Variants in QTMAN observed in about 807,000 individuals in gnomAD.
QTMAN encodes tRNA-queuosine alpha-mannosyltransferase.
At chr2:144,286,770 G>GA in the QTMAN span, among the ~76,000 whole-genome samples, 1 of 152,064 alleles carries the variant, frequency 6.6e-6, no homozygotes, top group Admixed American at 6.5e-5. Flanking sequence ...AGATTTGAGT[G>GA]AAGAAAGAAA....
chr2:143,939,414 A>G, the QTMAN span: 1 of 152,188 alleles, frequency 6.6e-6, no homozygotes, highest in Non-Finnish European at 1.5e-5. Context: ...ACTAGCTCCC[A>G]AGTCATTCAA....
At chr2:144,233,413 C>T in the QTMAN span, among the ~76,000 whole-genome samples, 1 of 152,108 alleles carries the variant, frequency 6.6e-6, no homozygotes, top group Non-Finnish European at 1.5e-5. Context: ...AAAAATATTT[C>T]TTTTCACAAT....
the QTMAN span, among the ~76,000 whole-genome samples, chr2:144,134,859 C>A: frequency 7.2e-5 from 11 of 152,022 alleles, no homozygotes; most frequent in African/African-American, 2.7e-4. Context: ...AAGATCTCCA[C>A]AGGAAACATA....
the QTMAN span, among the ~76,000 whole-genome samples, chr2:144,249,752 G>A: frequency 6.6e-6 from 1 of 152,124 alleles, no homozygotes; most frequent in Non-Finnish European, 1.5e-5. Flanking sequence ...ATTACAGAGA[G>A]TGGACAACGC....
the QTMAN span, among the ~76,000 whole-genome samples, chr2:143,960,396 G>A: frequency 5.9e-5 from 9 of 152,042 alleles, no homozygotes; most frequent in Non-Finnish European, 1.3e-4. Context: ...GCCATCTTCA[G>A]GGAACACTGA....
At chr2:144,168,171 T>C in the QTMAN span, among the ~76,000 whole-genome samples, 1 of 152,184 alleles carries the variant, frequency 6.6e-6, no homozygotes, top group Admixed American at 6.5e-5. Flanking sequence ...TTACGGCCTG[T>C]TTAATGGGTA....
chr2:143,990,135 C>T, the QTMAN span, among the ~76,000 whole-genome samples: 1 of 151,222 alleles, frequency 6.6e-6, no homozygotes, highest in African/African-American at 2.4e-5. Flanking sequence ...TACGGTAATT[C>T]CTTAAAAAAA....
chr2:144,101,214 G>A, the QTMAN span, among the ~76,000 whole-genome samples: 2 of 152,104 alleles, frequency 1.3e-5, no homozygotes, highest in Non-Finnish European at 2.9e-5. Flanking sequence ...ATTTGCAACA[G>A]GGGAGTTCAA....
chr2:144,050,816 T>C, the QTMAN span, among the ~76,000 whole-genome samples: 1 of 152,290 alleles, frequency 6.6e-6, no homozygotes, highest in East Asian at 1.9e-4. Context: ...TATTGCTATG[T>C]AAATAGTTGT....
the QTMAN span, among the ~76,000 whole-genome samples, chr2:144,021,027 C>A: frequency 0.05 from 7,460 of 149,612 alleles, 293 homozygotes; most frequent in African/African-American, 0.11. Context: ...AAAATAAGGT[C>A]AATTTAGGAG....
At chr2:144,281,395 C>CAAAAAA in the QTMAN span, among the ~76,000 whole-genome samples, 3 of 60,590 alleles carry the variant, frequency 5.0e-5, no homozygotes, top group African/African-American at 1.3e-4. Flanking sequence ...ATTGTTATAG[C>CAAAAAA]AAAAAAAAAA....
the QTMAN span, among the ~76,000 whole-genome samples, chr2:144,152,359 A>G: frequency 6.6e-6 from 1 of 152,230 alleles, no homozygotes; most frequent in Admixed American, 6.5e-5. Flanking sequence ...AACAAATTCC[A>G]TAATGCCTAT....
At chr2:144,022,669 T>C in the QTMAN span, among the ~76,000 whole-genome samples, 1 of 147,382 alleles carries the variant, frequency 6.8e-6, no homozygotes, top group Non-Finnish European at 1.5e-5. Flanking sequence ...GTATAAGCAA[T>C]TCTCCTGCCT....
At chr2:143,998,658 A>G in the QTMAN span, among the ~76,000 whole-genome samples, 1 of 152,102 alleles carries the variant, frequency 6.6e-6, no homozygotes, top group East Asian at 1.9e-4. Context: ...GTGGAGGGGT[A>G]GGTTAAAAAA....
the QTMAN span, among the ~76,000 whole-genome samples, chr2:144,226,510 T>C: frequency 6.6e-6 from 1 of 152,240 alleles, no homozygotes; most frequent in South Asian, 2.1e-4. Context: ...TTTGCCTACA[T>C]TGTGATTATG....
At chr2:144,107,253 G>A in the QTMAN span, among the ~76,000 whole-genome samples, 5 of 152,168 alleles carry the variant, frequency 3.3e-5, no homozygotes, top group South Asian at 4.1e-4. Flanking sequence ...AAATAACTAA[G>A]ATCAGAGCAG....
the QTMAN span, among the ~76,000 whole-genome samples, chr2:143,994,461 T>C: frequency 1.3e-5 from 2 of 152,160 alleles, no homozygotes; most frequent in Non-Finnish European, 2.9e-5. Context: ...GCATTATTCT[T>C]AACAGCTAAA....
At chr2:143,946,133 A>C in the QTMAN span, 15 of 152,348 alleles carry the variant, frequency 9.8e-5, no homozygotes, top group Admixed American at 9.8e-4. Context: ...TTATCTTGAA[A>C]AGGTTATATT....
At chr2:144,076,662 A>T in the QTMAN span, among the ~76,000 whole-genome samples, 2 of 152,250 alleles carry the variant, frequency 1.3e-5, no homozygotes, top group Non-Finnish European at 2.9e-5. Context: ...CTTTGGGGAA[A>T]AAAGTGTATC....
Sources: gnomAD v4.1 joint callset for allele counts (sites outside exome capture counted in the v4.1 genomes callset) on GRCh38, gnomAD v4.1.1 for gene constraint, MANE v1.5 for transcripts, NCBI Gene and HGNC (gene_info 2026-07-23, HGNC 2026-07-21) for gene names.